The following CPNE4 variants were observed in gnomAD, a reference collection of about 807,000 sequenced individuals.
The protein encoded by CPNE4 is copine 4.
A neutral mutation model predicts 67.9 loss-of-function variants in CPNE4; 25 were observed. The observed-to-expected ratio is 0.37, with a 90% CI of 0.27 to 0.51. CPNE4 has a LOEUF of 0.51. CPNE4 is among the 20% of genes least tolerant of loss of function. CPNE4 has a pLI of 0.93. For missense variants in CPNE4, 464 were observed against 690.8 expected (o/e 0.67, Z 3.68); for synonymous variants, 242 against 244.9 (o/e 0.99, Z 0.11).
chr3:131,736,052 G>A (rs2107769360), intron 2 of CPNE4, among the ~76,000 whole-genome samples: 1 of 152,264 alleles, frequency 6.6e-6, no homozygotes, highest in Non-Finnish European at 1.5e-5. Flanking sequence ...TTCAATATGT[G>A]CCACAGGTCC....
intron 7 of CPNE4, among the ~76,000 whole-genome samples, chr3:131,645,954 CTA>C (rs2081125762): frequency 1.3e-5 from 2 of 152,180 alleles, no homozygotes; most frequent in South Asian, 4.1e-4. Context: ...GCTCAAGAAA[CTA>C]TGCATGAAAG....
intron 2 of CPNE4, among the ~76,000 whole-genome samples, chr3:131,814,410 C>T (rs1192558443): frequency 6.6e-6 from 1 of 151,910 alleles, no homozygotes; most frequent in African/African-American, 2.4e-5. Flanking sequence ...ACTCACTTGC[C>T]AGTCACAAGC....
In CPNE4 at chr3:131,923,704, C is replaced by CAAAAAAAA. The variant is rs3041574; in HGVS notation, c.-1-18268_-1-18261dup. ...TGGGTGACAGAGCTAGACTCCGTCT[C>CAAAAAAAA]AAAAAAAAAAAAAAAAAAAAAAAAA... On this transcript the variant is annotated intron_variant, in intron 1 of 15. Transcript: ENST00000429747. Among the ~76,000 whole-genome samples the CAAAAAAAA allele has an allele frequency of 6.4e-3, 252 of 39,280 alleles. 3 individuals are homozygous for CAAAAAAAA. Among genetic ancestry groups the CAAAAAAAA allele is most frequent in the East Asian group, 0.015 (14 of 910 alleles). The allele number at this position is 39,280 out of a possible 152,430, so 25.8% of individuals were successfully genotyped here. A position where few individuals can be genotyped will look rare whatever the true frequency, so the allele number is the denominator to read the frequency against.
At chr3:131,942,031 GAATA>G (rs1488366036) in intron 1 of CPNE4, among the ~76,000 whole-genome samples, 2 of 151,692 alleles carry the variant, frequency 1.3e-5, no homozygotes, top group Non-Finnish European at 2.9e-5. Context: ...TTATTGCAAT[GAATA>G]AATAAATTTA....
chr3:131,808,329 G>C (rs2084397674), intron 2 of CPNE4, among the ~76,000 whole-genome samples: 1 of 152,114 alleles, frequency 6.6e-6, no homozygotes, highest in African/African-American at 2.4e-5. Flanking sequence ...ACAATTGACT[G>C]ATATTTTAAG....
chr3:131,691,103 G>T (rs1181979206), intron 5 of CPNE4, among the ~76,000 whole-genome samples: 2 of 152,178 alleles, frequency 1.3e-5, no homozygotes, highest in Non-Finnish European at 2.9e-5. Flanking sequence ...TATACTGTTT[G>T]TGGGAATGTA....
chr3:131,708,443 G>A (rs1583055926), intron 3 of CPNE4, among the ~76,000 whole-genome samples: 1 of 152,160 alleles, frequency 6.6e-6, no homozygotes, highest in Admixed American at 6.5e-5. Context: ...AGAGTCCTGA[G>A]CTAAGAGTCT....
At chr3:131,862,538 T>A (rs2086731580) in intron 2 of CPNE4, among the ~76,000 whole-genome samples, 1 of 152,042 alleles carries the variant, frequency 6.6e-6, no homozygotes, top group East Asian at 1.9e-4. Flanking sequence ...ATCCTAAAAT[T>A]CTTATATGAC....
intron 1 of CPNE4, among the ~76,000 whole-genome samples, chr3:131,925,096 G>A (rs1044425512): frequency 5.9e-5 from 9 of 151,878 alleles, no homozygotes; most frequent in East Asian, 5.8e-4. Context: ...CCTTCCTCTC[G>A]TCATTTTGAG....
At chr3:131,564,619 C>A (rs1022742010) in intron 10 of CPNE4, among the ~76,000 whole-genome samples, 4 of 151,924 alleles carry the variant, frequency 2.6e-5, no homozygotes, top group African/African-American at 9.7e-5. Context: ...ATCAGAAAGC[C>A]CAGATGCTGT....
At chr3:131,537,548 C>T in intron 15 of CPNE4, 1 of 223,978 alleles carries the variant, frequency 4.5e-6, no homozygotes, top group Non-Finnish European at 9.0e-6. Context: ...ATCTCAAAGT[C>T]CTGAGATTAC....
intron 2 of CPNE4, among the ~76,000 whole-genome samples, chr3:131,867,276 G>C (rs2086992493): frequency 6.6e-6 from 1 of 152,202 alleles, no homozygotes; most frequent in African/African-American, 2.4e-5. Context: ...GCTGTTCGGA[G>C]CAGGTCAGAA....
At chr3:131,850,255 G>A (rs1023687232) in intron 2 of CPNE4, among the ~76,000 whole-genome samples, 15 of 152,008 alleles carry the variant, frequency 9.9e-5, no homozygotes, top group Non-Finnish European at 1.5e-4. Context: ...TTTTGATGTA[G>A]GGTTATGACA....
intron 7 of CPNE4, among the ~76,000 whole-genome samples, chr3:131,653,400 G>A (rs1040083106): frequency 6.6e-6 from 1 of 151,746 alleles, no homozygotes; most frequent in South Asian, 2.1e-4. Context: ...TGCCCGCCTC[G>A]GCCTCCCAAA....
At chr3:131,886,668 G>A (rs1179474795) in intron 2 of CPNE4, among the ~76,000 whole-genome samples, 1 of 152,084 alleles carries the variant, frequency 6.6e-6, no homozygotes, top group African/African-American at 2.4e-5. Flanking sequence ...AGCTGCCCAA[G>A]ACCATGGGAA....
chr3:131,782,269 G>A (rs1422453789), intron 2 of CPNE4, among the ~76,000 whole-genome samples: 1 of 151,994 alleles, frequency 6.6e-6, no homozygotes, highest in African/African-American at 2.4e-5. Context: ...CTTAGTGAAA[G>A]GAAACAGCCA....
At chr3:131,812,376 G>T (rs2084569219) in intron 2 of CPNE4, among the ~76,000 whole-genome samples, 1 of 151,908 alleles carries the variant, frequency 6.6e-6, no homozygotes, top group African/African-American at 2.4e-5. Flanking sequence ...AAAAGTCAAA[G>T]ACAAATATTT....
At chr3:131,874,777 C>T (rs1017873516) in intron 2 of CPNE4, among the ~76,000 whole-genome samples, 1 of 152,132 alleles carries the variant, frequency 6.6e-6, no homozygotes, top group South Asian at 2.1e-4. Context: ...TTTAAACATT[C>T]ACATCTGGAG....
At chr3:131,594,656 TA>T (rs1287713206) in intron 7 of CPNE4, among the ~76,000 whole-genome samples, 8 of 152,052 alleles carry the variant, frequency 5.3e-5, no homozygotes, top group African/African-American at 1.4e-4. Flanking sequence ...TTATTGGATA[TA>T]ATGGTAAAAG....
Sources: gnomAD v4.1 joint callset for allele counts (sites outside exome capture counted in the v4.1 genomes callset) on GRCh38, gnomAD v4.1.1 for gene constraint, MANE v1.5 for transcripts, NCBI Gene and HGNC (gene_info 2026-07-23, HGNC 2026-07-21) for gene names.